ABCB11: variants seen among roughly 807,000 people sequenced by gnomAD.
ABCB11 encodes the protein ATP binding cassette subfamily B member 11.
Under a neutral mutation model 148.0 loss-of-function variants are expected in ABCB11, and 95 were observed. The observed-to-expected ratio is 0.64, with a 90% confidence interval of 0.54 to 0.76. ABCB11 has a LOEUF of 0.76. Among genes scored for constraint, ABCB11 ranks in the 30% least tolerant of loss-of-function variants. The pLI, the probability that ABCB11 is intolerant of heterozygous loss-of-function variation, is 0.00. For synonymous variants in ABCB11, 591 were observed against 555.4 expected, an observed-to-expected ratio of 1.06 and a Z score of -0.90; for missense variants, 1,523 against 1,617.8, an observed-to-expected ratio of 0.94 and a Z score of 1.01.
At chr2:168,988,707 G>A (rs1227026741) in intron 9 of ABCB11, among the ~76,000 whole-genome samples, 2 of 152,012 alleles carry the variant, frequency 1.3e-5, no homozygotes, top group Non-Finnish European at 2.9e-5. Flanking sequence ...TGGCTGTACT[G>A]ATTTACTTTC....
Position 168,996,810 on chromosome 2 carries a change from AT to A in ABCB11, c.390-89del, listed in dbSNP as rs201421224. ...TTGTGGATATAGAGGGATTTAAAAAATATATATATTTTAAATATATATATAA... is the reference window on the plus strand; with the variant it reads ...TTGTGGATATAGAGGGATTTAAAAAAATATATATTTTAAATATATATATAA... On this transcript the variant is annotated intron_variant, in intron 5 of 27. Transcript: ENST00000650372. The A allele has an allele frequency of 0.023, 8,918 of 390,160 alleles. 162 individuals carry two copies. The highest frequency in any genetic ancestry group is 0.065 in the African/African-American group (2,878 of 44,532). 24.2% of individuals were successfully genotyped at this position (390,160 alleles called of 1,614,324 possible).
chr2:168,963,900 A>C (rs980783731), intron 18 of ABCB11, among the ~76,000 whole-genome samples: 2 of 151,890 alleles, frequency 1.3e-5, no homozygotes, highest in Admixed American at 6.6e-5. Flanking sequence ...TGAGCAAATA[A>C]TCTGCTAAAT....
chr2:169,028,596 G>A (rs144734771), intron 1 of ABCB11, among the ~76,000 whole-genome samples: 222 of 152,232 alleles, frequency 1.5e-3, no homozygotes, highest in African/African-American at 5.2e-3. Context: ...GGATGTGGCT[G>A]GTTGATCCTT....
intron 3 of ABCB11, 89 bp downstream of exon 3, chr2:169,016,689 A>C: frequency 9.7e-7 from 1 of 1,029,872 alleles, no homozygotes; most frequent in Admixed American, 2.0e-5. Context: ...TGCAATGTGC[A>C]TGAAAGTATT....
chr2:168,944,804 T>C (rs1444628375), intron 20 of ABCB11, 38 bp from the exon 21 acceptor site: 5 of 1,608,712 alleles, frequency 3.1e-6, no homozygotes, highest in South Asian at 2.2e-5. Flanking sequence ...GAAATTTTAA[T>C]GAGAAAAAAG....
At chr2:168,916,068 A>G (rs774403250), downstream of ABCB11, among the ~76,000 whole-genome samples, 1 of 152,236 alleles carries the variant, frequency 6.6e-6, no homozygotes, top group Admixed American at 6.5e-5. Flanking sequence ...GTATATTTCA[A>G]TGATTAAATT....
At chr2:168,927,431 A>G (rs1401619827) in intron 25 of ABCB11, 69 bp from the exon 26 acceptor site, 6 of 1,315,492 alleles carry the variant, frequency 4.6e-6, no homozygotes, top group Non-Finnish European at 6.4e-6. Flanking sequence ...TTCATATTCT[A>G]GCATTAGGTG....
intron 17 of ABCB11, among the ~76,000 whole-genome samples, chr2:168,967,988 G>C (rs896018320): frequency 2.0e-5 from 3 of 151,782 alleles, no homozygotes; most frequent in Non-Finnish European, 4.4e-5. Flanking sequence ...ACTTCAGATG[G>C]GTTACTCTGG....
intron 9 of ABCB11, among the ~76,000 whole-genome samples, chr2:168,987,220 C>T (rs750795221): frequency 2.6e-5 from 4 of 152,092 alleles, no homozygotes; most frequent in Non-Finnish European, 5.9e-5. Flanking sequence ...CACCATCTTA[C>T]CAAATCTACA....
chr2:168,924,888 A>G, intron 26 of ABCB11, 85 bp from the exon 27 acceptor site: 1 of 1,155,520 alleles, frequency 8.7e-7, no homozygotes, highest in Non-Finnish European at 1.2e-6. Flanking sequence ...TCTCCTCTGT[A>G]ATTTAAATTA....
chr2:168,947,501 T>G (rs942035481), intron 19 of ABCB11, among the ~76,000 whole-genome samples: 1 of 151,736 alleles, frequency 6.6e-6, no homozygotes, highest in African/African-American at 2.4e-5. Flanking sequence ...GGGCTCCTAA[T>G]AAGGCCCAAT....
At chr2:168,948,889 A>T (rs1267561207) in intron 19 of ABCB11, among the ~76,000 whole-genome samples, 1 of 151,656 alleles carries the variant, frequency 6.6e-6, no homozygotes, top group East Asian at 1.9e-4. Flanking sequence ...TTTGTGGATT[A>T]TCCAGGTTTT....
At chr2:168,927,846 C>T (rs1046563229) in intron 25 of ABCB11, among the ~76,000 whole-genome samples, 1 of 152,166 alleles carries the variant, frequency 6.6e-6, no homozygotes, top group African/African-American at 2.4e-5. Context: ...AAAAGGAATA[C>T]ATTTATTCAC....
rs967959849 is a variant in ABCB11, at chr2:168,932,891, C to T, written c.3057-358G>A. 4.3e-4 allele frequency among the ~76,000 whole-genome samples: 65 copies of T among 151,940 alleles called. 1 individual carries two copies. The highest frequency in any genetic ancestry group is 6.3e-3 in the Middle Eastern group (2 of 316). On this transcript the variant is annotated intron_variant, in intron 23 of 27. Transcript: ENST00000650372. The stretch of plus-strand genomic sequence containing the variant: ...TTGGGAGGCCGAGGCGGGCGGATCA[C>T]GAGGTCAGAAGATCGAGACCATCCT...
intron 17 of ABCB11, among the ~76,000 whole-genome samples, chr2:168,966,899 G>T (rs888212870): frequency 1.3e-5 from 2 of 151,814 alleles, no homozygotes; most frequent in Non-Finnish European, 2.9e-5. Context: ...TCACCAAAAT[G>T]TAACATTTGT....
rs144443321 is a variant in ABCB11 at position 168,948,271 on chromosome 2, C to A, written c.2344-3310G>T. Among the ~76,000 whole-genome samples the A allele has an allele frequency of 3.5e-3, 529 of 151,816 alleles. 4 individuals are homozygous for A. Among genetic ancestry groups the A allele is most frequent in the African/African-American group, 0.011 (470 of 41,492 alleles). On this transcript the variant is annotated intron_variant, in intron 19 of 27. Coordinates refer to ENST00000650372, the MANE Select transcript of ABCB11 (RefSeq NM_003742.4). ...GGATTTCTTTTAAAAAGCAAACATC[C>A]AGGACACAGGCTTGGATTCTTTCTG...
At chr2:168,975,721 A>G (rs1433016746) in intron 12 of ABCB11, among the ~76,000 whole-genome samples, 1 of 144,796 alleles carries the variant, frequency 6.9e-6, no homozygotes. Flanking sequence ...CTCTCTGTAT[A>G]TATTCATATA....
intron 13 of ABCB11, among the ~76,000 whole-genome samples, chr2:168,973,445 G>A (rs549234734): frequency 6.6e-6 from 1 of 152,090 alleles, no homozygotes; most frequent in South Asian, 2.1e-4. Context: ...CATCATATAT[G>A]AAATCAATCA....
chr2:168,919,121 C>T (rs544928903), downstream of ABCB11, among the ~76,000 whole-genome samples: 1 of 152,242 alleles, frequency 6.6e-6, no homozygotes, highest in African/African-American at 2.4e-5. Context: ...CATGTCCTAT[C>T]CCATCCCAAC....
Sources: gnomAD v4.1 joint callset for allele counts (sites outside exome capture counted in the v4.1 genomes callset) on GRCh38, gnomAD v4.1.1 for gene constraint, MANE v1.5 for transcripts, NCBI Gene and HGNC (gene_info 2026-07-23, HGNC 2026-07-21) for gene names.